PLCH1: variants seen among roughly 807,000 people sequenced by gnomAD.
PLCH1 encodes the protein 1-phosphatidylinositol 4,5-bisphosphate phosphodiesterase eta-1.
Under a neutral mutation model 126.7 loss-of-function variants are expected in PLCH1, and 60 were observed. That is an observed-to-expected ratio of 0.47 (90% CI 0.38 to 0.59). The LOEUF is 0.59. PLCH1 is among the 20% of genes least tolerant of loss of function. PLCH1 has a pLI of 0.00. For synonymous variants in PLCH1, 719 were observed against 734.9 expected, an observed-to-expected ratio of 0.98 and a Z score of 0.35; for missense variants, 1,723 against 2,040.0, an observed-to-expected ratio of 0.84 and a Z score of 2.99.
At chr3:155,570,759 T>G (rs1466239887) in intron 6 of PLCH1, among the ~76,000 whole-genome samples, 1 of 152,230 alleles carries the variant, frequency 6.6e-6, no homozygotes, top group African/African-American at 2.4e-5. Flanking sequence ...TCCAAAGCAC[T>G]TTCTTGTATA....
At chr3:155,710,206 T>C (rs1746994938) in intron 1 of PLCH1, among the ~76,000 whole-genome samples, 1 of 152,108 alleles carries the variant, frequency 6.6e-6, no homozygotes, top group Admixed American at 6.5e-5. Flanking sequence ...ACCAGGCTGG[T>C]CTCAAACTCT....
rs533471753 is a variant in PLCH1, at chr3:155,547,483, G to A, written c.1362+2304C>T. Among the ~76,000 whole-genome samples the A allele has an allele frequency of 1.5e-3, 215 of 140,646 alleles. 2 individuals are homozygous for A. Among genetic ancestry groups the A allele is most frequent in the African/African-American group, 5.3e-3 (208 of 38,940 alleles). 92.3% of individuals were successfully genotyped at this position (140,646 alleles called of 152,430 possible). Reference sequence around the variant, plus strand: ...CAACCATTGTGGAAGTCAGTGTGGCGATTCCTCAGGGATCTATAACTAGAA... The same window carrying A: ...CAACCATTGTGGAAGTCAGTGTGGCAATTCCTCAGGGATCTATAACTAGAA... On this transcript the variant is annotated intron_variant, in intron 10 of 22. Coordinates refer to ENST00000460012, the MANE Select transcript of PLCH1 (RefSeq NM_014996.4).
chr3:155,575,341 G>T (rs1028396288), intron 6 of PLCH1, among the ~76,000 whole-genome samples: 1 of 152,122 alleles, frequency 6.6e-6, no homozygotes, highest in Non-Finnish European at 1.5e-5. Context: ...AACCATTCTG[G>T]ATTCAATGAA....
intron 4 of PLCH1, among the ~76,000 whole-genome samples, chr3:155,589,540 G>A (rs1731827290): frequency 6.6e-6 from 1 of 152,042 alleles, no homozygotes; most frequent in South Asian, 2.1e-4. Flanking sequence ...AGTTTGACGG[G>A]GGAAGAATAA....
In PLCH1 at chr3:155,686,980, AT is replaced by A. The variant is rs781296731; in HGVS notation, c.79+17165del. On this transcript the variant is annotated intron_variant, in intron 2 of 22. Transcript: ENST00000460012. ...AATGCCCCTTGTTTATTAACTTAAA[AT>A]AATCTGTACACATAAGGCAATAAAA... 2.6e-5 allele frequency among the ~76,000 whole-genome samples: 4 copies of A among 152,340 alleles called. No individual in the cohort carries two copies. The East Asian group carries it at 7.7e-4, about 29-fold the overall frequency.
chr3:155,451,065 A>G (rs1444590915), intron 21 of PLCH1, among the ~76,000 whole-genome samples: 2 of 152,160 alleles, frequency 1.3e-5, no homozygotes, highest in Non-Finnish European at 2.9e-5. Flanking sequence ...GAGTAACAAA[A>G]TTAATAATGA....
At chr3:155,717,890 A>G (rs1404137907) in intron 1 of PLCH1, among the ~76,000 whole-genome samples, 1 of 152,132 alleles carries the variant, frequency 6.6e-6, no homozygotes, top group Non-Finnish European at 1.5e-5. Flanking sequence ...CTCCCAAAAA[A>G]AGTGTTTTCT....
At chr3:155,631,072 T>A (rs1252473716) in intron 2 of PLCH1, among the ~76,000 whole-genome samples, 4 of 152,196 alleles carry the variant, frequency 2.6e-5, no homozygotes, top group African/African-American at 9.7e-5. Context: ...AAAATTCTGA[T>A]CCAAATTTAT....
At chr3:155,573,263 A>G (rs1729483113) in intron 6 of PLCH1, among the ~76,000 whole-genome samples, 1 of 152,222 alleles carries the variant, frequency 6.6e-6, no homozygotes, top group East Asian at 1.9e-4. Flanking sequence ...TAACCTGGGA[A>G]CTGAGTATTG....
intron 2 of PLCH1, among the ~76,000 whole-genome samples, chr3:155,627,988 A>C (rs1412774605): frequency 6.6e-6 from 1 of 151,954 alleles, no homozygotes; most frequent in Non-Finnish European, 1.5e-5. Flanking sequence ...GTTGATCTCG[A>C]ACTCCTGACC....
At chr3:155,627,559 G>C (rs961852075) in intron 2 of PLCH1, among the ~76,000 whole-genome samples, 1 of 151,628 alleles carries the variant, frequency 6.6e-6, no homozygotes, top group South Asian at 2.1e-4. Context: ...GCATGAATCC[G>C]GGAGGCAGAG....
intron 9 of PLCH1, among the ~76,000 whole-genome samples, chr3:155,550,270 AGAGAT>A (rs1466292508): frequency 1.3e-5 from 2 of 152,354 alleles, no homozygotes; most frequent in East Asian, 3.9e-4. Flanking sequence ...AAATTTTAAA[AGAGAT>A]GAGAAGTCTA....
intron 1 of PLCH1, among the ~76,000 whole-genome samples, chr3:155,733,519 G>T (rs1748928743): frequency 6.6e-6 from 1 of 152,174 alleles, no homozygotes; most frequent in African/African-American, 2.4e-5. Context: ...ATATCCACAT[G>T]CAGAAGAATA....
At chr3:155,666,067 A>G (rs999522883) in intron 2 of PLCH1, among the ~76,000 whole-genome samples, 1 of 152,212 alleles carries the variant, frequency 6.6e-6, no homozygotes, top group Non-Finnish European at 1.5e-5. Flanking sequence ...GTCTACTAGT[A>G]TATATTTAGG....
intron 1 of PLCH1, among the ~76,000 whole-genome samples, chr3:155,737,086 G>C (rs1749239466): frequency 6.6e-6 from 1 of 151,610 alleles, no homozygotes; most frequent in African/African-American, 2.4e-5. Context: ...AAAGAAATTA[G>C]CCGGGCGTGG....
intron 2 of PLCH1, among the ~76,000 whole-genome samples, chr3:155,696,794 C>G (rs1009317361): frequency 6.6e-6 from 1 of 152,102 alleles, no homozygotes; most frequent in Non-Finnish European, 1.5e-5. Flanking sequence ...AGGAATAAAA[C>G]AATCAAGGGC....
intron 8 of PLCH1, among the ~76,000 whole-genome samples, chr3:155,563,113 C>G (rs1231475264): frequency 6.6e-6 from 1 of 152,218 alleles, no homozygotes; most frequent in Non-Finnish European, 1.5e-5. Context: ...CTGCACTGGC[C>G]TTGCTGGCTC....
At chr3:155,518,815 C>T (rs1720692142) in intron 11 of PLCH1, among the ~76,000 whole-genome samples, 1 of 152,170 alleles carries the variant, frequency 6.6e-6, no homozygotes, top group Admixed American at 6.5e-5. Context: ...ATTTCCTTCT[C>T]TCACTCAGGG....
chr3:155,713,047 T>C (rs760927547), intron 1 of PLCH1, among the ~76,000 whole-genome samples: 1 of 148,584 alleles, frequency 6.7e-6, no homozygotes, highest in Non-Finnish European at 1.5e-5. Context: ...TATTAACAAA[T>C]AAGACTAAAT....
Sources: gnomAD v4.1 joint callset for allele counts (sites outside exome capture counted in the v4.1 genomes callset) on GRCh38, gnomAD v4.1.1 for gene constraint, MANE v1.5 for transcripts, NCBI Gene and HGNC (gene_info 2026-07-23, HGNC 2026-07-21) for gene names.